SRBD1: variants seen among roughly 807,000 people sequenced by gnomAD.
SRBD1 encodes S1 RNA-binding domain-containing protein 1.
Under a neutral mutation model 115.3 loss-of-function variants are expected in SRBD1, and 88 were observed. That is an observed-to-expected ratio of 0.76 (90% CI 0.64 to 0.91). SRBD1 has a LOEUF of 0.91. Among genes scored for constraint, SRBD1 ranks in the 40% least tolerant of loss-of-function variants. The probability of loss-of-function intolerance (pLI) is 0.00; values close to 1 mark genes in which losing one functional copy is unlikely to be tolerated. For missense variants in SRBD1, 1,385 were observed against 1,177.4 expected (o/e 1.18, Z -2.58); for synonymous variants, 509 against 407.7 (o/e 1.25, Z -2.99).
intron 16 of SRBD1, among the ~76,000 whole-genome samples, chr2:45,464,121 G>C (rs1001788526): frequency 2.0e-5 from 3 of 150,966 alleles, no homozygotes; most frequent in African/African-American, 7.3e-5. Context: ...CTTGCAGAGG[G>C]GGTAAAGAAA....
intron 10 of SRBD1, among the ~76,000 whole-genome samples, 153 bp from the exon 11 acceptor site, chr2:45,553,883 G>A (rs1672386670): frequency 6.6e-6 from 1 of 152,144 alleles, no homozygotes; most frequent in Non-Finnish European, 1.5e-5. Context: ...TGTGGTATCT[G>A]AAAATTATTA....
chr2:45,389,121 G>A lies in SRBD1; in HGVS notation c.*189C>T, dbSNP rs1417692834. The A allele has an allele frequency of 1.5e-6, 1 of 679,898 alleles. No homozygotes were observed. Among genetic ancestry groups the A allele is most frequent in the Non-Finnish European group, 2.4e-6 (1 of 418,242 alleles). 42.1% of individuals were successfully genotyped at this position (679,898 alleles called of 1,614,324 possible). On this transcript the variant is annotated 3_prime_UTR_variant, in exon 21 of 21. Transcript: ENST00000263736. The stretch of plus-strand genomic sequence containing the variant: ...TGTGTATTAGTTGTTTCCTTTAAGG[G>A]AAAAGGAAATCAAACTGTTGGTTTT...
intron 14 of SRBD1, among the ~76,000 whole-genome samples, chr2:45,508,691 A>C (rs1172896709): frequency 6.6e-6 from 1 of 152,220 alleles, no homozygotes; most frequent in Admixed American, 6.5e-5. Flanking sequence ...GTGATATGCT[A>C]TGTTGACTTA....
At chr2:45,434,839 T>C (rs1487578982) in intron 16 of SRBD1, among the ~76,000 whole-genome samples, 1 of 152,064 alleles carries the variant, frequency 6.6e-6, no homozygotes, top group East Asian at 1.9e-4. Flanking sequence ...GTTACACATG[T>C]ATACATGTGT....
chr2:45,610,981 G>C (rs529577550), intron 1 of SRBD1, among the ~76,000 whole-genome samples: 16 of 151,926 alleles, frequency 1.1e-4, no homozygotes, highest in Admixed American at 9.8e-4. Flanking sequence ...TATGCGCTAA[G>C]AGCTGCAGCA....
chr2:45,610,023 G>A (rs150570677), intron 1 of SRBD1, among the ~76,000 whole-genome samples: 3 of 152,044 alleles, frequency 2.0e-5, no homozygotes, highest in African/African-American at 7.3e-5. Context: ...CCACTCTTAG[G>A]CAATGCCACA....
At chr2:45,584,585 G>A (rs1191956477) in intron 5 of SRBD1, among the ~76,000 whole-genome samples, 1 of 152,160 alleles carries the variant, frequency 6.6e-6, no homozygotes, top group Non-Finnish European at 1.5e-5. Flanking sequence ...ATAGTAGAAT[G>A]ATAATCCAAT....
intron 7 of SRBD1, among the ~76,000 whole-genome samples, chr2:45,574,999 G>A (rs1320615671): frequency 6.6e-6 from 1 of 152,116 alleles, no homozygotes; most frequent in African/African-American, 2.4e-5. Context: ...TCTACCATTT[G>A]CCAGTTGTGA....
Position 45,389,236 on chromosome 2 carries a change from A to T in SRBD1, c.*74T>A. The T allele has an allele frequency of 6.6e-7, 1 of 1,517,286 alleles. No individual in the cohort carries two copies. Among genetic ancestry groups the T allele is most frequent in the South Asian group, 1.3e-5 (1 of 77,592 alleles). 94.0% of individuals were successfully genotyped at this position (1,517,286 alleles called of 1,614,324 possible). ...ATTTCTCATCTGCTACCTAGAGTTT[A>T]CAAACAACTGACTTATCCTTGTCAA... On this transcript the variant is annotated 3_prime_UTR_variant, in exon 21 of 21. Transcript: ENST00000263736.
intron 14 of SRBD1, among the ~76,000 whole-genome samples, chr2:45,507,244 G>A (rs1000354531): frequency 6.6e-6 from 1 of 152,074 alleles, no homozygotes; most frequent in Admixed American, 6.5e-5. Flanking sequence ...AATTTCCAGT[G>A]TCACTGTACA....
At position 45,551,216 on chromosome 2, in the gene SRBD1, G is replaced by C. The variant is rs371024329; in HGVS notation, c.1584C>G (p.Leu528=). The change falls in exon 12 of 21, where the codon CTC becomes CTG. Residue 528 remains leucine, a synonymous_variant. Transcript: ENST00000263736. The stretch of plus-strand genomic sequence containing the variant: ...GCCCTGGAACAGGGCTTGTTAAAAG[G>C]AGCTGACGAAGGTTCCGTCCAAACA... The part of the protein sequence containing the change: ...VMMFGRNLRQ[L]LLTSPVPGRT... The C allele has an allele frequency of 6.2e-7, 1 of 1,613,084 alleles. No individual in the cohort carries two copies. Among genetic ancestry groups the C allele is most frequent in the Non-Finnish European group, 8.5e-7 (1 of 1,179,824 alleles).
chr2:45,395,676 G>A (rs866175151), intron 19 of SRBD1, among the ~76,000 whole-genome samples: 3 of 151,740 alleles, frequency 2.0e-5, no homozygotes, highest in Admixed American at 6.6e-5. Flanking sequence ...ACAAGGTCAC[G>A]CACACACACA....
intron 16 of SRBD1, among the ~76,000 whole-genome samples, chr2:45,464,337 T>C (rs553303406): frequency 6.6e-6 from 1 of 152,322 alleles, no homozygotes; most frequent in African/African-American, 2.4e-5. Context: ...AGATGAGGTA[T>C]GCAAGATAGC....
chr2:45,597,104 C>T (rs1422477358), intron 4 of SRBD1, among the ~76,000 whole-genome samples: 3 of 152,020 alleles, frequency 2.0e-5, no homozygotes, highest in Non-Finnish European at 4.4e-5. Context: ...CCAAATTCAG[C>T]CAATCAGACT....
At chr2:45,517,121 T>C (rs1671143115) in intron 14 of SRBD1, among the ~76,000 whole-genome samples, 1 of 152,194 alleles carries the variant, frequency 6.6e-6, no homozygotes, top group South Asian at 2.1e-4. Flanking sequence ...TCATACACAG[T>C]AATGAGGGTA....
intron 16 of SRBD1, among the ~76,000 whole-genome samples, chr2:45,444,461 C>A (rs1668760217): frequency 6.6e-6 from 1 of 152,102 alleles, no homozygotes; most frequent in Non-Finnish European, 1.5e-5. Context: ...GAAGGTGGGA[C>A]AGTGGTAATT....
chr2:45,547,733 G>A (rs1358847891), intron 12 of SRBD1, 121 bp from the exon 13 acceptor site: 4 of 704,032 alleles, frequency 5.7e-6, no homozygotes, highest in Non-Finnish European at 9.3e-6. Flanking sequence ...AATGAAGTCT[G>A]AACTATTCAT....
At chr2:45,508,423 T>G (rs972627102) in intron 14 of SRBD1, among the ~76,000 whole-genome samples, 6 of 152,206 alleles carry the variant, frequency 3.9e-5, no homozygotes, top group African/African-American at 1.4e-4. Flanking sequence ...TAAGTTTATT[T>G]TAAGCATAAA....
chr2:45,517,760 C>G (rs188393252), intron 14 of SRBD1, among the ~76,000 whole-genome samples: 1 of 152,216 alleles, frequency 6.6e-6, no homozygotes, highest in East Asian at 1.9e-4. Flanking sequence ...TTTAGAAGGC[C>G]AAGACAGGGG....
Sources: allele counts gnomAD v4.1 joint callset (sites outside exome capture counted in the v4.1 genomes callset), GRCh38; gene constraint gnomAD v4.1.1; transcripts MANE v1.5; gene names NCBI Gene and HGNC (gene_info 2026-07-23, HGNC 2026-07-21).